DPP6: variants seen among roughly 807,000 people sequenced by gnomAD.
The protein encoded by DPP6 is A-type potassium channel modulatory protein DPP6.
In DPP6, 69 loss-of-function variants were observed where a neutral mutation model predicts 122.6. The observed-to-expected ratio is 0.56, with a 90% CI of 0.46 to 0.69. The LOEUF is 0.69. Among genes scored for constraint, DPP6 ranks in the 30% least tolerant of loss-of-function variants. The probability of loss-of-function intolerance (pLI) is 0.00; values close to 1 mark genes in which losing one functional copy is unlikely to be tolerated. For missense variants in DPP6, 928 were observed against 1,116.9 expected (o/e 0.83, Z 2.41); for synonymous variants, 418 against 433.1 (o/e 0.97, Z 0.43).
chr7:154,410,286 AT>A (rs1377666440), intron 1 of DPP6, among the ~76,000 whole-genome samples: 1 of 152,222 alleles, frequency 6.6e-6, no homozygotes, highest in Non-Finnish European at 1.5e-5. Flanking sequence ...AGATATGTGC[AT>A]TTCCTGACAG....
chr7:154,892,283 C>A, intron 25 of DPP6, 51 bp from the exon 26 acceptor site: 21 of 1,612,908 alleles, frequency 1.3e-5, no homozygotes, highest in Non-Finnish European at 1.7e-5. Context: ...CGTTCCCGTC[C>A]CCTGGGGAGC....
chr7:153,822,220 C>T, the DPP6 span, among the ~76,000 whole-genome samples: 6 of 121,024 alleles, frequency 5.0e-5, no homozygotes, highest in South Asian at 5.6e-4. Flanking sequence ...GATGGAGTCT[C>T]GCACTGTCCC....
At chr7:154,000,071 A>T (rs913125248) in intron 1 of DPP6, among the ~76,000 whole-genome samples, 5 of 152,232 alleles carry the variant, frequency 3.3e-5, no homozygotes, top group African/African-American at 1.2e-4. Context: ...TGTAATGTTT[A>T]CAATACCGTA....
In DPP6 at chr7:154,052,652, G is replaced by C; in HGVS notation, c.-169G>C. 7.9e-7 allele frequency: 1 copy of C among 1,259,834 alleles called. No homozygotes were observed. The highest frequency in any genetic ancestry group is 3.4e-5 in the Admixed American group (1 of 29,612). 78.0% of individuals were successfully genotyped at this position (1,259,834 alleles called of 1,614,324 possible). ...TCGCCAGCGGAGACTCGCGAGTGGC[G>C]CGCGGGAGGAGCGGCCGCCGGCGCT... On this transcript the variant is annotated 5_prime_UTR_variant, in exon 1 of 26. Transcript: ENST00000377770. The surrounding 1 kb of genome is among the most constrained non-coding windows in gnomAD (Gnocchi z 4.8).
intron 1 of DPP6, among the ~76,000 whole-genome samples, chr7:154,061,772 C>G (rs1206051962): frequency 1.5e-5 from 2 of 134,052 alleles, no homozygotes; most frequent in Admixed American, 1.4e-4. Context: ...GCACCCCCAT[C>G]GCAGGGAGGG....
At chr7:154,521,797 A>G (rs894952867) in intron 3 of DPP6, among the ~76,000 whole-genome samples, 73 of 152,150 alleles carry the variant, frequency 4.8e-4, no homozygotes, top group African/African-American at 1.5e-3. Flanking sequence ...CCCTCCTCTC[A>G]GTCTATCCAC....
chr7:154,711,563 A>C (rs1489174515), intron 7 of DPP6, among the ~76,000 whole-genome samples: 1 of 152,232 alleles, frequency 6.6e-6, no homozygotes, highest in African/African-American at 2.4e-5. Flanking sequence ...ATAGTGAAGG[A>C]AATTGCATTA....
intron 1 of DPP6, among the ~76,000 whole-genome samples, chr7:154,308,413 G>C (rs80173328): frequency 0.12 from 18,451 of 152,174 alleles, 1,281 homozygotes; most frequent in African/African-American, 0.18. Flanking sequence ...TGGCTTCTGG[G>C]AGACTATTTC....
At chr7:153,956,409 G>C (rs1216236337) in intron 1 of DPP6, among the ~76,000 whole-genome samples, 1 of 152,174 alleles carries the variant, frequency 6.6e-6, no homozygotes, top group Non-Finnish European at 1.5e-5. Flanking sequence ...CTCAGGGCTG[G>C]GGATAGGAGA....
At chr7:154,847,865 C>T (rs138300746) in intron 16 of DPP6, among the ~76,000 whole-genome samples, 152 of 152,302 alleles carry the variant, frequency 1.0e-3, no homozygotes, top group African/African-American at 3.6e-3. Flanking sequence ...TCTTTCTACT[C>T]TTTGTTTCTA....
intron 16 of DPP6, among the ~76,000 whole-genome samples, chr7:154,839,401 T>C (rs1486277552): frequency 1.3e-5 from 2 of 152,234 alleles, no homozygotes; most frequent in Admixed American, 6.5e-5. Context: ...TGGAGCCCAG[T>C]AGAGGACTGA....
At chr7:153,785,627 G>A in the DPP6 span, among the ~76,000 whole-genome samples, 2 of 152,002 alleles carry the variant, frequency 1.3e-5, no homozygotes, top group African/African-American at 4.8e-5. Context: ...TTCCCTCATT[G>A]GGAAATGGGT....
the DPP6 span, among the ~76,000 whole-genome samples, chr7:153,772,381 G>C: frequency 2.0e-5 from 3 of 152,120 alleles, no homozygotes; most frequent in African/African-American, 7.2e-5. Flanking sequence ...ACCACGCCCC[G>C]CTGGGAGAAT....
intron 1 of DPP6, among the ~76,000 whole-genome samples, chr7:154,372,595 T>C (rs1348046395): frequency 2.0e-5 from 3 of 152,236 alleles, no homozygotes; most frequent in Non-Finnish European, 4.4e-5. Context: ...AGATGCTTTT[T>C]TAAAAATTGC....
chr7:154,525,906 G>T (rs1827371663), intron 3 of DPP6, among the ~76,000 whole-genome samples: 1 of 152,096 alleles, frequency 6.6e-6, no homozygotes, highest in Non-Finnish European at 1.5e-5. Flanking sequence ...GTCTCTATGT[G>T]TAGTATTTCC....
intron 1 of DPP6, among the ~76,000 whole-genome samples, chr7:154,259,414 G>C (rs1802855484): frequency 6.6e-6 from 1 of 152,202 alleles, no homozygotes; most frequent in Non-Finnish European, 1.5e-5. Flanking sequence ...TAATATGCAG[G>C]TGTTTTGGAA....
intron 1 of DPP6, among the ~76,000 whole-genome samples, chr7:153,943,230 C>T (rs1801781538): frequency 6.6e-6 from 1 of 152,202 alleles, no homozygotes. Context: ...ATGGCCAGCT[C>T]ATGACACTAT....
At chr7:154,840,251 G>A (rs1474302803) in intron 16 of DPP6, among the ~76,000 whole-genome samples, 1 of 152,174 alleles carries the variant, frequency 6.6e-6, no homozygotes, top group Non-Finnish European at 1.5e-5. Context: ...CTACCCTCAG[G>A]ACACACACCC....
At chr7:153,868,066 A>G in the DPP6 span, among the ~76,000 whole-genome samples, 2 of 152,152 alleles carry the variant, frequency 1.3e-5, no homozygotes, top group African/African-American at 4.8e-5. Context: ...TATTTTATTG[A>G]GGATTTTTGC....
Sources: allele counts gnomAD v4.1 joint callset (sites outside exome capture counted in the v4.1 genomes callset), GRCh38; gene constraint gnomAD v4.1.1; non-coding constraint Gnocchi (gnomAD v3.1); transcripts MANE v1.5; gene names NCBI Gene and HGNC (gene_info 2026-07-23, HGNC 2026-07-21).